The following HECW1 variants were observed in gnomAD, a reference collection of about 807,000 sequenced individuals.
HECW1 encodes the protein E3 ubiquitin-protein ligase HECW1.
In HECW1, 61 loss-of-function variants were observed where a neutral mutation model predicts 182.3. The observed-to-expected ratio is 0.33, with a 90% CI of 0.27 to 0.41. The LOEUF is 0.41. Among genes scored for constraint, HECW1 ranks in the 10% least tolerant of loss-of-function variants. The probability of loss-of-function intolerance (pLI) is 1.00; values close to 1 mark genes in which losing one functional copy is unlikely to be tolerated. For synonymous variants in HECW1, 859 were observed against 832.6 expected, an observed-to-expected ratio of 1.03 and a Z score of -0.55; for missense variants, 1,739 against 2,108.9, an observed-to-expected ratio of 0.82 and a Z score of 3.44.
intron 2 of HECW1, among the ~76,000 whole-genome samples, chr7:43,195,731 CAAGAA>C (rs1331042980): frequency 6.6e-6 from 1 of 152,264 alleles, no homozygotes; most frequent in East Asian, 1.9e-4. Flanking sequence ...ATTACATACT[CAAGAA>C]AAGGAAGTGC....
chr7:43,425,718 A>G (rs940615312), intron 8 of HECW1, among the ~76,000 whole-genome samples: 1 of 152,202 alleles, frequency 6.6e-6, no homozygotes, highest in African/African-American at 2.4e-5. Context: ...AGAAAGGAGA[A>G]CCAGGCCAAA....
chr7:43,533,361 G>T (rs1011062881), intron 24 of HECW1, among the ~76,000 whole-genome samples: 3 of 152,132 alleles, frequency 2.0e-5, no homozygotes, highest in Non-Finnish European at 4.4e-5. Context: ...GCTACAGAAA[G>T]AATCTTCTAG....
At chr7:43,171,453 T>C (rs758437879) in intron 2 of HECW1, among the ~76,000 whole-genome samples, 22 of 152,172 alleles carry the variant, frequency 1.4e-4, no homozygotes, top group Non-Finnish European at 2.6e-4. Context: ...GCATCACACT[T>C]TTGGTCAGCC....
At chr7:43,344,174 G>A (rs1813383483) in intron 5 of HECW1, among the ~76,000 whole-genome samples, 1 of 151,796 alleles carries the variant, frequency 6.6e-6, no homozygotes, top group East Asian at 1.9e-4. Context: ...TGTCAGATGG[G>A]TAGATTGCAG....
chr7:43,508,683 T>C (rs1344009137), intron 23 of HECW1: 4 of 417,748 alleles, frequency 9.6e-6, no homozygotes, highest in Non-Finnish European at 1.7e-5. Flanking sequence ...GCCAGCTGTG[T>C]GTTTTAGCTC....
chr7:43,291,448 G>A (rs1039669883), intron 3 of HECW1, among the ~76,000 whole-genome samples: 1 of 152,192 alleles, frequency 6.6e-6, no homozygotes, highest in African/African-American at 2.4e-5. Flanking sequence ...GCTGCAAGCT[G>A]GAACGTTCCT....
chr7:43,218,316 G>C (rs750134198), intron 2 of HECW1, among the ~76,000 whole-genome samples: 23 of 152,180 alleles, frequency 1.5e-4, no homozygotes, highest in Non-Finnish European at 4.4e-5. Flanking sequence ...GCAGCACTGG[G>C]TCACCTTGAG....
chr7:43,444,970 C>A lies in HECW1; in HGVS notation c.1798C>A (p.Leu600Ile). 1 of 1,566,056 alleles carries A rather than the reference C, an allele frequency of 6.4e-7. No homozygotes were observed. ...CAAGGACTCCTCGGAGAAGGATGGG[C>A]TCAGCGAGGTGGACACGGTGGCCGC... ...TLKDSSEKDG[L>I]SEVDTVAADP... The change falls in exon 11 of 30, where the codon CTC (leucine) becomes ATC (isoleucine). Residue 600 changes from leucine to isoleucine, a missense_variant. Transcript: ENST00000395891. This position sits in a 1 kb window ranked among gnomAD's most constrained non-coding sequence, Gnocchi z 4.3.
rs749722372 is a variant in HECW1 at position 43,463,690 on chromosome 7, A to G, written c.2682A>G (p.Thr894=). The G allele has an allele frequency of 6.2e-7, 1 of 1,614,080 alleles. No homozygotes were observed. The highest frequency in any genetic ancestry group is 8.5e-7 in the Non-Finnish European group (1 of 1,180,000). Residue 894 remains threonine (T), a synonymous_variant, in exon 14 of 30, where the codon ACA becomes ACG. Coordinates refer to ENST00000395891, the MANE Select transcript of HECW1 (RefSeq NM_015052.5). ...AAAACATTCAGCGAACCATTGCAAC[A>G]GAGAGGTCCGAAGAAGATTCTGGCA... ...RYQNIQRTIA[T]ERSEEDSGSQ...
chr7:43,137,938 CTT>C (rs57423975), intron 2 of HECW1, among the ~76,000 whole-genome samples: 9 of 144,704 alleles, frequency 6.2e-5, no homozygotes, highest in Admixed American at 1.4e-4. Context: ...CTGACCAACA[CTT>C]TTTTTTTTTT....
intron 6 of HECW1, among the ~76,000 whole-genome samples, chr7:43,378,749 T>A (rs2074424229): frequency 6.6e-6 from 1 of 151,626 alleles, no homozygotes; most frequent in Non-Finnish European, 1.5e-5. Context: ...GAGGTTGCCA[T>A]GAACTGAGAT....
chr7:43,272,186 A>G (rs1802486335), intron 3 of HECW1, among the ~76,000 whole-genome samples: 1 of 152,120 alleles, frequency 6.6e-6, no homozygotes, highest in Non-Finnish European at 1.5e-5. Context: ...ATATGCAAAA[A>G]TTAACTCAAG....
chr7:43,466,509 T>A lies in HECW1; in HGVS notation c.2854T>A (p.Ser952Thr). ...ACAAAAAATCACCTTGCTGCTGCAG[T>A]CCCCAGCGGTCAAGTTCATCACCAA... The part of the protein sequence containing the change: ...NSQKITLLLQ[S>T]PAVKFITNPE... The change falls in exon 15 of 30, where the codon TCC (serine) becomes ACC (threonine). Residue 952 changes from serine (S) to threonine (T), a missense_variant. Transcript: ENST00000395891. 6.2e-7 allele frequency: 1 copy of A among 1,613,940 alleles called. No individual in the cohort carries two copies. The highest frequency in any genetic ancestry group is 8.5e-7 in the Non-Finnish European group (1 of 1,179,888).
intron 24 of HECW1, among the ~76,000 whole-genome samples, chr7:43,515,220 G>T (rs981959242): frequency 6.6e-6 from 1 of 152,198 alleles, no homozygotes; most frequent in African/African-American, 2.4e-5. Flanking sequence ...AAGGCATCCT[G>T]GTGTCGGGTA....
intron 3 of HECW1, among the ~76,000 whole-genome samples, chr7:43,296,781 A>G (rs568360821): frequency 1.5e-4 from 23 of 152,352 alleles, no homozygotes; most frequent in African/African-American, 4.8e-4. Context: ...CCAGCCGTTC[A>G]GGGTGCACTT....
intron 3 of HECW1, among the ~76,000 whole-genome samples, chr7:43,264,574 G>A (rs542119672): frequency 7.2e-5 from 11 of 152,104 alleles, no homozygotes; most frequent in East Asian, 1.9e-4. Flanking sequence ...AGCCAGGCGC[G>A]GTGGCTCACG....
At chr7:43,377,344 C>T (rs2074373165) in intron 6 of HECW1, among the ~76,000 whole-genome samples, 1 of 152,200 alleles carries the variant, frequency 6.6e-6, no homozygotes. Context: ...TGCTTCAAAA[C>T]ACACATTAAG....
At chr7:43,235,031 C>T (rs1798198968) in intron 2 of HECW1, among the ~76,000 whole-genome samples, 1 of 152,236 alleles carries the variant, frequency 6.6e-6, no homozygotes, top group South Asian at 2.1e-4. Flanking sequence ...GGCCAATCCC[C>T]TGCCAGACCC....
intron 3 of HECW1, among the ~76,000 whole-genome samples, chr7:43,297,770 T>TC: frequency 6.6e-6 from 1 of 152,170 alleles, no homozygotes; most frequent in Admixed American, 6.5e-5. Flanking sequence ...TAGTGATTTT[T>TC]CTAAAAAAAA....
Sources: gnomAD v4.1 joint callset for allele counts (sites outside exome capture counted in the v4.1 genomes callset) on GRCh38, gnomAD v4.1.1 for gene constraint, Gnocchi (gnomAD v3.1) non-coding constraint, MANE v1.5 for transcripts, NCBI Gene and HGNC (gene_info 2026-07-23, HGNC 2026-07-21) for gene names.